PLCG2: variants seen among roughly 807,000 people sequenced by gnomAD.
PLCG2 encodes the protein 1-phosphatidylinositol 4,5-bisphosphate phosphodiesterase gamma-2.
PLCG2 carries 69 observed loss-of-function variants against 175.6 expected under a neutral mutation model. The ratio of observed to expected loss-of-function variants is 0.39; its 90% CI spans 0.32 to 0.48. The LOEUF (loss-of-function observed/expected upper bound fraction) is 0.48, where lower values mean the gene tolerates loss of function less well. Among genes scored for constraint, PLCG2 ranks in the 20% least tolerant of loss-of-function variants. The pLI is 0.91. For synonymous variants in PLCG2, 827 were observed against 624.0 expected (o/e 1.33, Z -4.85); for missense variants, 1,798 against 1,650.9 (o/e 1.09, Z -1.54).
At chr16:81,933,038 G>C (rs1238883238) in intron 25 of PLCG2, among the ~76,000 whole-genome samples, 1 of 152,204 alleles carries the variant, frequency 6.6e-6, no homozygotes, top group Non-Finnish European at 1.5e-5. Flanking sequence ...ATGTGGAAAA[G>C]TGTTATTTCC....
intron 1 of PLCG2, among the ~76,000 whole-genome samples, chr16:81,754,218 G>C (rs1003961458): frequency 3.3e-5 from 5 of 151,020 alleles, no homozygotes; most frequent in African/African-American, 1.2e-4. Context: ...AGCTTCCTGG[G>C]GAAACTCTGC....
intron 2 of PLCG2, 39 bp downstream of exon 2, chr16:81,786,221 TG>T (rs777617388): frequency 6.4e-7 from 1 of 1,557,860 alleles, no homozygotes; most frequent in South Asian, 1.1e-5. Context: ...GCCCGTCCTC[TG>T]GGGCCCTGGC....
intron 2 of PLCG2, among the ~76,000 whole-genome samples, chr16:81,811,079 C>G (rs886592009): frequency 6.6e-6 from 1 of 152,136 alleles, no homozygotes; most frequent in African/African-American, 2.4e-5. Flanking sequence ...TGTGCACTTC[C>G]TGGAATGACC....
chr16:81,826,535 T>C (rs1167330973), intron 2 of PLCG2, among the ~76,000 whole-genome samples: 1 of 152,218 alleles, frequency 6.6e-6, no homozygotes, highest in East Asian at 1.9e-4. Flanking sequence ...TAGAATTCAA[T>C]GTAACAAGCA....
intron 11 of PLCG2, among the ~76,000 whole-genome samples, chr16:81,892,597 T>G (rs1310750961): frequency 6.6e-6 from 1 of 152,118 alleles, no homozygotes; most frequent in East Asian, 1.9e-4. Context: ...TAAGAGTTTG[T>G]GTTTCAGCAT....
At chr16:81,818,548 G>C (rs958718354) in intron 2 of PLCG2, among the ~76,000 whole-genome samples, 1 of 152,040 alleles carries the variant, frequency 6.6e-6, no homozygotes, top group Admixed American at 6.6e-5. Context: ...ATGGAGCTCC[G>C]AAGGCCTGAG....
chr16:81,775,019 T>G (rs1910368858), upstream of PLCG2, among the ~76,000 whole-genome samples: 1 of 152,146 alleles, frequency 6.6e-6, no homozygotes, highest in African/African-American at 2.4e-5. Flanking sequence ...TAGCTGAGAT[T>G]ACAGGTATGA....
chr16:81,820,941 AGAT>A (rs1904770719), intron 2 of PLCG2, among the ~76,000 whole-genome samples: 2 of 144,642 alleles, frequency 1.4e-5, no homozygotes, highest in South Asian at 2.2e-4. Flanking sequence ...TTTTTAGTAG[AGAT>A]GGGGGCCTCA....
rs1157731599 is a variant in PLCG2 at position 81,802,093 on chromosome 16, CTTTTTTTTTTTTTTTTTTT to C, written c.193+15931_193+15949del. 3.2e-3 allele frequency among the ~76,000 whole-genome samples: 128 copies of C among 40,012 alleles called. 3 individuals carry two copies. In the East Asian group the frequency reaches 0.083, roughly 26 times the overall value. 26.2% of individuals were successfully genotyped at this position (40,012 alleles called of 152,430 possible). On this transcript the variant is annotated intron_variant, in intron 2 of 32. Coordinates refer to ENST00000564138, the MANE Select transcript of PLCG2 (RefSeq NM_002661.5). The stretch of plus-strand genomic sequence containing the variant: ...GTTAGCTCCTTCAGGTGAGTACAGT[CTTTTTTTTTTTTTTTTTTT>C]TTTTTTTTTTTTTTTTTTTGAGACG...
chr16:81,881,798 G>A (rs919343913), intron 8 of PLCG2, among the ~76,000 whole-genome samples: 4 of 149,250 alleles, frequency 2.7e-5, no homozygotes, highest in Non-Finnish European at 5.9e-5. Flanking sequence ...CATCCATCAT[G>A]TCCAGCTATT....
intron 2 of PLCG2, among the ~76,000 whole-genome samples, chr16:81,769,419 G>T (rs1032435685): frequency 6.6e-6 from 1 of 152,168 alleles, no homozygotes; most frequent in Non-Finnish European, 1.5e-5. Flanking sequence ...CCTACGTTCT[G>T]ATTCAGTAAG....
In PLCG2 at chr16:81,926,242, G is replaced by A. The variant is rs140159850; in HGVS notation, c.2418-840G>A. ...TCCTGGGGTCAGACTGTGCTGGGCC[G>A]TGGCTGCCATGTTGAAGAGTCTGGG... On this transcript the variant is annotated intron_variant, in intron 22 of 32. Coordinates refer to ENST00000564138, the MANE Select transcript of PLCG2 (RefSeq NM_002661.5). Among the ~76,000 whole-genome samples the A allele has an allele frequency of 3.8e-3, 586 of 152,328 alleles. 4 individuals are homozygous for A. Among genetic ancestry groups the A allele is most frequent in the Non-Finnish European group, 6.0e-3 (410 of 68,030 alleles).
Position 81,958,128 on chromosome 16 carries a change from A to T in PLCG2, c.*130A>T. ...CTTTTCTTCAAGCCTGCCATCAAGGACATTTCTTAAGACCCAACTGGCATG... is the reference window on the plus strand; with the variant it reads ...CTTTTCTTCAAGCCTGCCATCAAGGTCATTTCTTAAGACCCAACTGGCATG... On this transcript the variant is annotated 3_prime_UTR_variant, in exon 33 of 33. Transcript: ENST00000564138. 1 of 707,152 alleles carries T rather than the reference A, an allele frequency of 1.4e-6. No homozygotes were observed. The highest frequency in any genetic ancestry group is 2.6e-6 in the Non-Finnish European group (1 of 387,406). 43.8% of individuals were successfully genotyped at this position (707,152 alleles called of 1,614,324 possible).
At chr16:81,808,106 T>C (rs1904290078) in intron 2 of PLCG2, among the ~76,000 whole-genome samples, 2 of 152,256 alleles carry the variant, frequency 1.3e-5, no homozygotes, top group Non-Finnish European at 2.9e-5. Context: ...TGAACATTCA[T>C]ATGCAGGATT....
intron 22 of PLCG2, 110 bp from the exon 23 acceptor site, chr16:81,926,972 T>G: frequency 1.4e-6 from 1 of 719,868 alleles, no homozygotes; most frequent in South Asian, 1.6e-5. Context: ...ACTTGGCCAC[T>G]TGCTGTCTGT....
At chr16:81,877,837 G>C (rs1321393943) in intron 7 of PLCG2, among the ~76,000 whole-genome samples, 1 of 151,320 alleles carries the variant, frequency 6.6e-6, no homozygotes, top group Admixed American at 6.6e-5. Flanking sequence ...TCATTGCATC[G>C]CTCCTTGGCT....
chr16:81,763,030 C>T, intron 2 of PLCG2, among the ~76,000 whole-genome samples: 1 of 152,188 alleles, frequency 6.6e-6, no homozygotes, highest in East Asian at 1.9e-4. Flanking sequence ...GTATTCTAGC[C>T]TGGGCAACAG....
chr16:81,778,051 A>AACAAAACAAACAAACAAAC (rs1597311882), upstream of PLCG2, among the ~76,000 whole-genome samples: 4 of 79,152 alleles, frequency 5.1e-5, no homozygotes, highest in Admixed American at 1.1e-4. Context: ...AACAAAAAAA[A>AACAAAACAAACAAACAAAC]AAACAAAAAA....
chr16:81,885,984 G>A (rs1017976942), intron 9 of PLCG2, among the ~76,000 whole-genome samples: 7 of 152,352 alleles, frequency 4.6e-5, no homozygotes, highest in Middle Eastern at 3.4e-3. Flanking sequence ...ATTGGGCACA[G>A]TCACGTTAGG....
Sources: allele counts gnomAD v4.1 joint callset (sites outside exome capture counted in the v4.1 genomes callset), GRCh38; gene constraint gnomAD v4.1.1; transcripts MANE v1.5; gene names NCBI Gene and HGNC (gene_info 2026-07-23, HGNC 2026-07-21).